The following ETV7 variants were observed in gnomAD, a reference collection of about 807,000 sequenced individuals.
ETV7 encodes transcription factor ETV7.
A neutral mutation model predicts 39.1 loss-of-function variants in ETV7; 43 were observed. The observed-to-expected ratio is 1.10, with a 90% CI of 0.86 to 1.42. The LOEUF (loss-of-function observed/expected upper bound fraction) is 1.42. ETV7 is among the 40% of genes most tolerant of loss of function. The pLI is 0.00. For synonymous variants in ETV7, 196 were observed against 176.6 expected, an observed-to-expected ratio of 1.11 and a Z score of -0.87; for missense variants, 432 against 442.3, an observed-to-expected ratio of 0.98 and a Z score of 0.21.
chr6:36,371,171 A>G (rs1429656321), intron 5 of ETV7, among the ~76,000 whole-genome samples, 159 bp downstream of exon 5: 2 of 152,200 alleles, frequency 1.3e-5, no homozygotes, highest in Admixed American at 1.3e-4. Context: ...CTCTGTGACC[A>G]GATTGTGGCT....
chr6:36,376,576 A>G (rs112670730), intron 2 of ETV7, among the ~76,000 whole-genome samples: 7,416 of 152,082 alleles, frequency 0.049, 578 homozygotes, highest in African/African-American at 0.16. Context: ...AGGAGATTCA[A>G]ACCATCCTGG....
intron 1 of ETV7, 108 bp from the exon 2 acceptor site, chr6:36,385,777 AC>A: frequency 8.4e-7 from 1 of 1,196,338 alleles, no homozygotes; most frequent in Non-Finnish European, 1.2e-6. Context: ...GTTTATCTCC[AC>A]CAGAAGACTG....
At chr6:36,355,997 A>T (rs1330399584) in intron 7 of ETV7, among the ~76,000 whole-genome samples, 1 of 152,248 alleles carries the variant, frequency 6.6e-6, no homozygotes, top group Non-Finnish European at 1.5e-5. Context: ...CAATCCCTTG[A>T]CTAAAAATTG....
chr6:36,363,332 G>C (rs962809920), downstream of ETV7, among the ~76,000 whole-genome samples: 3 of 151,364 alleles, frequency 2.0e-5, no homozygotes, highest in South Asian at 4.2e-4. Context: ...CCTTCGCGGT[G>C]AGTGTTACAG....
Position 36,371,410 on chromosome 6 carries a change from CAGTGACATAAGTTG to C in ETV7, c.570_583del (p.Asn191CysfsTer22). 6.2e-7 allele frequency: 1 copy of C among 1,603,226 alleles called. No individual in the cohort carries two copies. The highest frequency in any genetic ancestry group is 8.5e-7 in the Non-Finnish European group (1 of 1,174,262). On this transcript the variant is annotated frameshift_variant, in exon 5 of 8. Transcript: ENST00000340181. LOFTEE classifies it high-confidence loss of function. ...CTGGGTCCTGCAGCCGAGCTCTGCA[CAGTGACATAAGTTG>C]AGGGACTCCTCCTTGCCAGGGGTCC...
rs80326473 is a variant in ETV7 at position 36,366,372 on chromosome 6, C to A, written c.*273G>T. 5.6e-3 allele frequency: 7,132 copies of A among 1,270,628 alleles called. 218 individuals carry two copies. Among genetic ancestry groups the A allele is most frequent in the South Asian group, 0.053 (2,397 of 44,948 alleles). 78.7% of individuals were successfully genotyped at this position (1,270,628 alleles called of 1,614,324 possible). A position where few individuals can be genotyped will look rare whatever the true frequency, so the allele number is the denominator to read the frequency against. ...ACAGGGGTGGGGCTGGGTGCTCTATCGGTGCCTGGCTTCCTCTCCCAGGGG... is the reference window on the plus strand; with the variant it reads ...ACAGGGGTGGGGCTGGGTGCTCTATAGGTGCCTGGCTTCCTCTCCCAGGGG... On this transcript the variant is annotated 3_prime_UTR_variant, in exon 8 of 8. Coordinates refer to ENST00000340181, the MANE Select transcript of ETV7 (RefSeq NM_016135.4).
At chr6:36,357,919 C>G (rs1267718325) in intron 7 of ETV7, among the ~76,000 whole-genome samples, 1 of 152,092 alleles carries the variant, frequency 6.6e-6, no homozygotes, top group African/African-American at 2.4e-5. Context: ...CCTCCCCAAT[C>G]CTTCACGCTT....
chr6:36,382,988 G>A (rs1274440896), intron 2 of ETV7, among the ~76,000 whole-genome samples: 2 of 27,026 alleles, frequency 7.4e-5, no homozygotes, highest in East Asian at 5.0e-3. Context: ...CAGTTTCTCT[G>A]TCACTGAAGA....
chr6:36,383,342 C>A (rs1258333925), intron 2 of ETV7, among the ~76,000 whole-genome samples: 1 of 152,222 alleles, frequency 6.6e-6, no homozygotes, highest in Non-Finnish European at 1.5e-5. Context: ...CCCTGGACAT[C>A]ACGGTTGTCC....
chr6:36,360,047 C>T (rs1772445644), intron 7 of ETV7, among the ~76,000 whole-genome samples: 3 of 152,178 alleles, frequency 2.0e-5, no homozygotes, highest in African/African-American at 7.2e-5. Context: ...CATGTGCCAC[C>T]ATGCCCAGCT....
At chr6:36,365,861 T>A (rs927583263), downstream of ETV7, among the ~76,000 whole-genome samples, 1 of 152,168 alleles carries the variant, frequency 6.6e-6, no homozygotes, top group African/African-American at 2.4e-5. Flanking sequence ...GCACAAGGCC[T>A]GGCACATAGC....
intron 7 of ETV7, among the ~76,000 whole-genome samples, chr6:36,356,595 G>A (rs186329867): frequency 6.6e-6 from 1 of 152,216 alleles, no homozygotes; most frequent in East Asian, 1.9e-4. Context: ...GAAATCCCAG[G>A]GAAGGACCCT....
chr6:36,354,609 T>C (rs916275096), exon 8 of ETV7: 51 of 692,166 alleles, frequency 7.4e-5, no homozygotes, highest in Non-Finnish European at 1.2e-4. Context: ...CCAACTTTGT[T>C]TTTCTTTCCA....
chr6:36,385,048 T>G (rs936290138), intron 2 of ETV7, among the ~76,000 whole-genome samples: 2 of 152,076 alleles, frequency 1.3e-5, no homozygotes, highest in Admixed American at 6.6e-5. Context: ...TATATAAAAT[T>G]TTGGCCAGAC....
At chr6:36,370,724 T>C (rs1231759615) in intron 5 of ETV7, among the ~76,000 whole-genome samples, 2 of 152,048 alleles carry the variant, frequency 1.3e-5, no homozygotes, top group African/African-American at 2.4e-5. Context: ...GTCACTATTA[T>C]GACTAGAAAA....
downstream of ETV7, among the ~76,000 whole-genome samples, chr6:36,362,330 G>A (rs1293248511): frequency 1.3e-5 from 2 of 152,058 alleles, no homozygotes; most frequent in Non-Finnish European, 2.9e-5. Flanking sequence ...TGGTGTGGTG[G>A]CGGGTGCCTG....
chr6:36,363,552 A>G (rs57907451), downstream of ETV7, among the ~76,000 whole-genome samples: 4 of 152,344 alleles, frequency 2.6e-5, no homozygotes, highest in Admixed American at 6.5e-5. Flanking sequence ...TACAGCTAAT[A>G]AAAGCAGCGT....
intron 7 of ETV7, among the ~76,000 whole-genome samples, chr6:36,359,687 TCAC>T (rs1337399177): frequency 6.6e-6 from 1 of 152,238 alleles, no homozygotes. Flanking sequence ...TCTGTTCTGG[TCAC>T]CACAATATTC....
At chr6:36,360,924 T>G (rs1772471593) in intron 7 of ETV7, among the ~76,000 whole-genome samples, 1 of 152,206 alleles carries the variant, frequency 6.6e-6, no homozygotes, top group South Asian at 2.1e-4. Context: ...TGTCCAGTAC[T>G]GTCCCCAATA....
Sources: allele counts gnomAD v4.1 joint callset (sites outside exome capture counted in the v4.1 genomes callset), GRCh38; gene constraint gnomAD v4.1.1; transcripts MANE v1.5; gene names NCBI Gene and HGNC (gene_info 2026-07-23, HGNC 2026-07-21).